The following CPEB1 variants were observed in gnomAD, a reference collection of about 807,000 sequenced individuals.
CPEB1 encodes the protein cytoplasmic polyadenylation element-binding protein 1.
CPEB1 carries 7 observed loss-of-function variants against 65.8 expected under a neutral mutation model. The ratio of observed to expected loss-of-function variants is 0.11; its 90% CI spans 0.06 to 0.20. The LOEUF (loss-of-function observed/expected upper bound fraction) is 0.20, where lower values mean the gene tolerates loss of function less well. CPEB1 is among the 10% of genes least tolerant of loss of function. The probability of loss-of-function intolerance (pLI) is 1.00; values close to 1 mark genes in which losing one functional copy is unlikely to be tolerated. For synonymous variants in CPEB1, 262 were observed against 260.0 expected (o/e 1.01, Z -0.08); for missense variants, 551 against 712.2 (o/e 0.77, Z 2.58).
At chr15:82,647,950 T>C, upstream of CPEB1, 1 of 1,135,874 alleles carries the variant, frequency 8.8e-7, no homozygotes, top group Non-Finnish European at 1.1e-6. Flanking sequence ...GTGGGCACTA[T>C]TTTTGCAGCG....
chr15:82,640,822 G>A (rs2151381865), intron 1 of CPEB1: 1 of 151,854 alleles, frequency 6.6e-6, no homozygotes, highest in South Asian at 2.1e-4. Context: ...TGATCCAACA[G>A]GGTTGAACTG....
At chr15:82,580,699 G>A (rs905205210) in intron 3 of CPEB1, among the ~76,000 whole-genome samples, 4 of 151,894 alleles carry the variant, frequency 2.6e-5, no homozygotes, top group Non-Finnish European at 4.4e-5. Context: ...CCTAGCCCCT[G>A]GTTACCATTA....
upstream of CPEB1, chr15:82,647,788 G>A (rs587770981): frequency 1.1e-4 from 137 of 1,240,076 alleles, 2 homozygotes; most frequent in South Asian, 3.6e-3. Context: ...GGACCCGGCT[G>A]CGCGCGGACC....
Position 82,552,564 on chromosome 15 carries a change from C to T in CPEB1, c.1197G>A (p.Gln399=), listed in dbSNP as rs773909860. The T allele has an allele frequency of 5.0e-6, 8 of 1,613,468 alleles. No individual in the cohort carries two copies. In the South Asian group the frequency reaches 8.8e-5, roughly 18 times the overall value. Residue 399 remains glutamine, a synonymous_variant, in exon 9 of 13, where the codon CAG becomes CAA. Transcript: ENST00000684509. The part of the protein sequence containing the change: ...ELEKSVRSLL[Q]ACSHDPLSPD... Reference sequence around the variant, plus strand: ...GGCTCAGCGGGTCATGAGAGCAAGCCTGAAGCAAGGATCGGACAGACTTCT... The same window carrying T: ...GGCTCAGCGGGTCATGAGAGCAAGCTTGAAGCAAGGATCGGACAGACTTCT...
rs758363883 is a variant in CPEB1 at position 82,552,632 on chromosome 15, G to C, written c.1145-16C>G. On this transcript the variant is annotated splice_polypyrimidine_tract_variant and intron_variant, in intron 8 of 12. Coordinates refer to ENST00000684509, the MANE Select transcript of CPEB1 (RefSeq NM_001365242.1). ...TACACATACCCTATTCCCAATGAGAGGAAAAATCGCATTAATATCCCTTAG... is the reference window on the plus strand; with the variant it reads ...TACACATACCCTATTCCCAATGAGACGAAAAATCGCATTAATATCCCTTAG... 106 of 1,613,476 alleles carry C rather than the reference G, an allele frequency of 6.6e-5. No individual in the cohort carries two copies. Among genetic ancestry groups the C allele is most frequent in the Non-Finnish European group, 3.4e-6 (4 of 1,179,714 alleles).
chr15:82,598,583 G>A (rs888198669), intron 3 of CPEB1, among the ~76,000 whole-genome samples: 2 of 151,912 alleles, frequency 1.3e-5, no homozygotes, highest in Admixed American at 1.3e-4. Flanking sequence ...TCAGGAGTTT[G>A]AGACCAGCCT....
At position 82,553,921 on chromosome 15, in the gene CPEB1, A is replaced by C. The variant is rs1431392350; in HGVS notation, c.1011T>G (p.Ser337=). 6.2e-7 allele frequency: 1 copy of C among 1,612,982 alleles called. No homozygotes were observed. Among genetic ancestry groups the C allele is most frequent in the Admixed American group, 1.7e-5 (1 of 59,768 alleles). ...GAACACCTCCTAGAAACACCTTGCAAGAGTAGATGGGGTTCTTATAGTTCC... is the reference window on the plus strand; with the variant it reads ...GAACACCTCCTAGAAACACCTTGCACGAGTAGATGGGGTTCTTATAGTTCC... The part of the protein sequence containing the change: ...PPRNYKNPIY[S]CKVFLGGVPW... The change falls in exon 7 of 13, where the codon TCT becomes TCG. Residue 337 remains serine (S), a synonymous_variant. Coordinates refer to ENST00000684509, the MANE Select transcript of CPEB1 (RefSeq NM_001365242.1).
At chr15:82,548,580 T>A in intron 10 of CPEB1, 1 of 360,366 alleles carries the variant, frequency 2.8e-6, no homozygotes, top group South Asian at 2.0e-5. Flanking sequence ...GTTAAAGGAT[T>A]CAGAGTGGAA....
intron 3 of CPEB1, among the ~76,000 whole-genome samples, chr15:82,619,669 G>A (rs1350851755): frequency 6.6e-6 from 1 of 152,156 alleles, no homozygotes; most frequent in East Asian, 1.9e-4. Flanking sequence ...CCAAAGGCCA[G>A]TAAACATGAA....
At chr15:82,620,400 G>A (rs1256635028) in intron 3 of CPEB1, among the ~76,000 whole-genome samples, 1 of 150,440 alleles carries the variant, frequency 6.6e-6, no homozygotes, top group Non-Finnish European at 1.5e-5. Flanking sequence ...ACTGTAGTCT[G>A]GGCGACAGAG....
Position 82,552,557 on chromosome 15 carries a change from A to G in CPEB1, c.1204T>C (p.Ser402Pro). ...CCATCTGGGCTCAGCGGGTCATGAG[A>G]GCAAGCCTGAAGCAAGGATCGGACA... ...KSVRSLLQACSHDPLSPDGLS... is the reference protein window; with the variant it reads ...KSVRSLLQACPHDPLSPDGLS... The change falls in exon 9 of 13, where the codon TCT becomes CCT. Residue 402 changes from serine (S) to proline (P), a missense_variant. Transcript: ENST00000684509. The G allele has an allele frequency of 6.2e-7, 1 of 1,613,544 alleles. No homozygotes were observed. The highest frequency in any genetic ancestry group is 8.5e-7 in the Non-Finnish European group (1 of 1,179,764).
At chr15:82,633,963 A>AT (rs1033109451) in intron 1 of CPEB1, among the ~76,000 whole-genome samples, 3 of 145,346 alleles carry the variant, frequency 2.1e-5, no homozygotes, top group Non-Finnish European at 4.7e-5. Flanking sequence ...ACCTAAAGGT[A>AT]TAAAAAAAAA....
intron 3 of CPEB1, among the ~76,000 whole-genome samples, chr15:82,601,947 A>G (rs1266692392): frequency 2.0e-5 from 3 of 152,232 alleles, no homozygotes; most frequent in Non-Finnish European, 4.4e-5. Context: ...TGATAGAATA[A>G]GCATATATTC....
rs1182985078 is a variant in CPEB1 at position 82,588,092 on chromosome 15, T to TA, written c.272-16561_272-16560insT. Among the ~76,000 whole-genome samples, 7 of 145,058 alleles carry TA rather than the reference T, an allele frequency of 4.8e-5. No individual in the cohort carries two copies. In the East Asian group the frequency reaches 1.4e-3, roughly 29 times the overall value. On this transcript the variant is annotated intron_variant, in intron 3 of 12. Transcript: ENST00000684509. ...ACATGCCACCACATCCAACTAGGTT[T>TA]TTTTTTGTTTGTTTTTTGTTTTTGT...
At chr15:82,561,268 T>G (rs1041128457) in intron 4 of CPEB1, among the ~76,000 whole-genome samples, 1 of 152,142 alleles carries the variant, frequency 6.6e-6, no homozygotes, top group Admixed American at 6.5e-5. Context: ...AGTTAAACAA[T>G]GAGATTTTCA....
chr15:82,584,335 T>C (rs2041578453), intron 3 of CPEB1, among the ~76,000 whole-genome samples: 1 of 149,198 alleles, frequency 6.7e-6, no homozygotes, highest in Non-Finnish European at 1.5e-5. Flanking sequence ...TTTTTACCTG[T>C]CTAAATTATT....
At chr15:82,600,803 T>C (rs748839308) in intron 3 of CPEB1, among the ~76,000 whole-genome samples, 2 of 150,028 alleles carry the variant, frequency 1.3e-5, no homozygotes, top group African/African-American at 4.9e-5. Context: ...GGTTTAAGCA[T>C]AACAAAACGA....
chr15:82,554,650 T>G (rs144648259), intron 6 of CPEB1, among the ~76,000 whole-genome samples: 1 of 152,354 alleles, frequency 6.6e-6, no homozygotes, highest in Non-Finnish European at 1.5e-5. Context: ...TTTGTACCTT[T>G]CCAAATCAGA....
intron 1 of CPEB1, chr15:82,629,173 C>T: frequency 1.4e-6 from 1 of 696,400 alleles, no homozygotes; most frequent in Non-Finnish European, 1.8e-6. Context: ...ATCACAGTTA[C>T]TTAACCTCTA....
Sources: allele counts gnomAD v4.1 joint callset (sites outside exome capture counted in the v4.1 genomes callset), GRCh38; gene constraint gnomAD v4.1.1; transcripts MANE v1.5; gene names NCBI Gene and HGNC (gene_info 2026-07-23, HGNC 2026-07-21).